Variants in MCTP2 observed in about 807,000 individuals in gnomAD.
The protein encoded by MCTP2 is multiple C2 and transmembrane domain containing 2.
In MCTP2, 132 loss-of-function variants were observed where a neutral mutation model predicts 111.6. The ratio of observed to expected loss-of-function variants is 1.18; its 90% CI spans 1.03 to 1.37. The LOEUF (loss-of-function observed/expected upper bound fraction) is 1.37. Among genes scored for constraint, MCTP2 ranks in the 40% most tolerant of loss-of-function variants. The pLI is 0.00. For synonymous variants in MCTP2, 395 were observed against 387.7 expected (o/e 1.02, Z -0.22); for missense variants, 1,183 against 1,067.9 (o/e 1.11, Z -1.50).
At chr15:94,261,146 T>C (rs745587875) in intron 1 of MCTP2, among the ~76,000 whole-genome samples, 66 of 152,298 alleles carry the variant, frequency 4.3e-4, no homozygotes, top group Admixed American at 3.0e-3. Flanking sequence ...GTCCCACCTT[T>C]CTGGACCAAA....
intron 13 of MCTP2, among the ~76,000 whole-genome samples, chr15:94,384,800 A>G (rs1398046343): frequency 1.3e-5 from 2 of 152,242 alleles, no homozygotes; most frequent in East Asian, 3.8e-4. Context: ...AAAGTTCCCA[A>G]GGATCTATGA....
rs759215761 is a variant in MCTP2 at position 94,402,024 on chromosome 15, G to A, written c.2085+5G>A. On this transcript the variant is annotated splice_donor_5th_base_variant and intron_variant, in intron 17 of 22. Coordinates refer to ENST00000357742, the MANE Select transcript of MCTP2 (RefSeq NM_001385001.1). Reference sequence around the variant, plus strand: ...AGAAGTACAATAGCATTCGCGGTAAGCTTCCTTTCTTATGTTCAAACTATT... The same window carrying A: ...AGAAGTACAATAGCATTCGCGGTAAACTTCCTTTCTTATGTTCAAACTATT... 8.7e-6 allele frequency: 14 copies of A among 1,608,584 alleles called. No homozygotes were observed. The highest frequency in any genetic ancestry group is 1.7e-4 in the Middle Eastern group (1 of 6,058).
At position 94,394,017 on chromosome 15, in the gene MCTP2, T is replaced by C. The variant is rs1321629380; in HGVS notation, c.1789-4944T>C. Among the ~76,000 whole-genome samples the C allele has an allele frequency of 2.5e-5, 3 of 118,664 alleles. No homozygotes were observed. The Admixed American group carries it at 3.7e-4, about 15-fold the overall frequency. 77.8% of individuals were successfully genotyped at this position (118,664 alleles called of 152,430 possible). On this transcript the variant is annotated intron_variant, in intron 14 of 22. Transcript: ENST00000357742. Reference sequence around the variant, plus strand: ...GTGAGCCAAGACTGCACCATGGCACTCCAGCCTGGGCAATAGAGCAGAACT... The same window carrying C: ...GTGAGCCAAGACTGCACCATGGCACCCCAGCCTGGGCAATAGAGCAGAACT...
chr15:94,328,176 T>C (rs984818770), intron 4 of MCTP2, among the ~76,000 whole-genome samples: 8 of 150,942 alleles, frequency 5.3e-5, no homozygotes, highest in African/African-American at 2.0e-4. Context: ...TCACCCAGGC[T>C]GGAGTGCAGT....
In MCTP2 at chr15:94,288,426, C is replaced by A. The variant is rs540830814; in HGVS notation, c.-65-9775C>A. Among the ~76,000 whole-genome samples, 3 of 152,358 alleles carry A rather than the reference C, an allele frequency of 2.0e-5. No homozygotes were observed. The South Asian group carries it at 6.2e-4, about 32-fold the overall frequency. On this transcript the variant is annotated intron_variant, in intron 1 of 22. Coordinates refer to ENST00000357742, the MANE Select transcript of MCTP2 (RefSeq NM_001385001.1). ...GGTGGAACTCCACTCAAGTCCCAGA[C>A]TGACCTTACGTCCTATACAAGCAGG...
intron 2 of MCTP2, among the ~76,000 whole-genome samples, chr15:94,301,742 T>G (rs1322298132): frequency 6.6e-6 from 1 of 152,222 alleles, no homozygotes; most frequent in Non-Finnish European, 1.5e-5. Context: ...CAATTTTATT[T>G]TATATGATAA....
intron 1 of MCTP2, among the ~76,000 whole-genome samples, chr15:94,283,132 G>A (rs1302018587): frequency 6.6e-6 from 1 of 152,148 alleles, no homozygotes; most frequent in Non-Finnish European, 1.5e-5. Flanking sequence ...GGTAGGTGGG[G>A]TCTGCTGTTG....
At chr15:94,386,409 C>G (rs543595800) in intron 14 of MCTP2, among the ~76,000 whole-genome samples, 7 of 152,330 alleles carry the variant, frequency 4.6e-5, no homozygotes, top group African/African-American at 1.2e-4. Flanking sequence ...ATGAGATTAG[C>G]CTAACTCACT....
intron 19 of MCTP2, among the ~76,000 whole-genome samples, chr15:94,448,058 C>T (rs1469948641): frequency 6.6e-6 from 1 of 152,200 alleles, no homozygotes; most frequent in African/African-American, 2.4e-5. Context: ...CCAGCCAATT[C>T]TTAATTATCA....
At chr15:94,344,441 T>C (rs11634659) in intron 7 of MCTP2, among the ~76,000 whole-genome samples, 23,272 of 151,662 alleles carry the variant, frequency 0.15, 1,508 homozygotes, top group African/African-American at 0.17. Context: ...CCAGCCACAG[T>C]AGAGCTTTGC....
chr15:94,325,812 A>ATTTTTTTTT lies in MCTP2; in HGVS notation c.637+10193_637+10201dup, dbSNP rs557989149. On this transcript the variant is annotated intron_variant, in intron 4 of 22. Coordinates refer to ENST00000357742, the MANE Select transcript of MCTP2 (RefSeq NM_001385001.1). ...GAACCTACTCTACTCCATCGCTCCG[A>ATTTTTTTTT]TTTTTTTTTTTTTTTTTTTTTTTTT... Among the ~76,000 whole-genome samples the ATTTTTTTTT allele has an allele frequency of 2.8e-3, 260 of 91,856 alleles. 32 individuals carry two copies. The highest frequency in any genetic ancestry group is 0.011 in the African/African-American group (237 of 22,328). The allele number at this position is 91,856 out of a possible 152,430, so 60.3% of individuals were successfully genotyped here.
intron 14 of MCTP2, among the ~76,000 whole-genome samples, chr15:94,394,049 C>CAA (rs767685107): frequency 0.027 from 1,628 of 60,856 alleles, 66 homozygotes; most frequent in African/African-American, 0.059. Context: ...AACTCCATCT[C>CAA]AAAAAAAAAA....
rs116742882 is a variant in MCTP2, at chr15:94,246,672, G to A, written c.-66+15008G>A. Among the ~76,000 whole-genome samples the A allele has an allele frequency of 4.2e-3, 645 of 152,248 alleles. 8 individuals carry two copies. Among genetic ancestry groups the A allele is most frequent in the African/African-American group, 0.015 (617 of 41,530 alleles). ...ATCATTCTAAGCCTTTGTTCTAGCC[G>A]AGGCTCTATGAAATGGGTTGCAAAA... On this transcript the variant is annotated intron_variant, in intron 1 of 22. Coordinates refer to ENST00000357742, the MANE Select transcript of MCTP2 (RefSeq NM_001385001.1).
At position 94,267,869 on chromosome 15, in the gene MCTP2, C is replaced by CTTTTTTTTTTTTTTTTTTTTTT. The variant is rs755287019; in HGVS notation, c.-65-30318_-65-30317insTTTTTTTTTTTTTTTTTTTTTT. 3.7e-4 allele frequency among the ~76,000 whole-genome samples: 29 copies of CTTTTTTTTTTTTTTTTTTTTTT among 77,452 alleles called. 4 individuals carry two copies. Among genetic ancestry groups the CTTTTTTTTTTTTTTTTTTTTTT allele is most frequent in the African/African-American group, 1.1e-3 (19 of 17,432 alleles). 50.8% of individuals were successfully genotyped at this position (77,452 alleles called of 152,430 possible). A position where few individuals can be genotyped will look rare whatever the true frequency, so the allele number is the denominator to read the frequency against. On this transcript the variant is annotated intron_variant, in intron 1 of 22. Coordinates refer to ENST00000357742, the MANE Select transcript of MCTP2 (RefSeq NM_001385001.1). ...GGTCTGGATTACTTTCCTTTTCTTTCTTTTTTTTTTTTTTGAGACAGAGTC... is the reference window on the plus strand; with the variant it reads ...GGTCTGGATTACTTTCCTTTTCTTTCTTTTTTTTTTTTTTTTTTTTTTTTTTTTTTTTTTTTGAGACAGAGTC...
chr15:94,246,980 A>G (rs2072059490), intron 1 of MCTP2, among the ~76,000 whole-genome samples: 1 of 152,200 alleles, frequency 6.6e-6, no homozygotes, highest in Non-Finnish European at 1.5e-5. Flanking sequence ...GTATTTTAAG[A>G]CAAACTCCCA....
chr15:94,380,229 G>A (rs1471809534), intron 12 of MCTP2, among the ~76,000 whole-genome samples: 1 of 152,058 alleles, frequency 6.6e-6, no homozygotes, highest in African/African-American at 2.4e-5. Flanking sequence ...TGCTGACTGT[G>A]GAGTGGAAAT....
chr15:94,236,441 A>G (rs2070572766), intron 1 of MCTP2, among the ~76,000 whole-genome samples: 1 of 134,730 alleles, frequency 7.4e-6, no homozygotes, highest in South Asian at 2.4e-4. Context: ...AGCGTGAGTA[A>G]GAATGTACAG....
intron 1 of MCTP2, among the ~76,000 whole-genome samples, chr15:94,234,120 A>C (rs1321492900): frequency 6.6e-6 from 1 of 152,008 alleles, no homozygotes; most frequent in Non-Finnish European, 1.5e-5. Flanking sequence ...TCCTTCCTAG[A>C]AGGTGTTTAT....
At chr15:94,363,830 G>A (rs144461392) in intron 10 of MCTP2, among the ~76,000 whole-genome samples, 1 of 152,102 alleles carries the variant, frequency 6.6e-6, no homozygotes, top group Non-Finnish European at 1.5e-5. Context: ...AAGACATTTA[G>A]TCTCCTTGTG....
Sources: allele counts gnomAD v4.1 joint callset (sites outside exome capture counted in the v4.1 genomes callset), GRCh38; gene constraint gnomAD v4.1.1; transcripts MANE v1.5; gene names NCBI Gene and HGNC (gene_info 2026-07-23, HGNC 2026-07-21).